PTPRM: variants seen among roughly 807,000 people sequenced by gnomAD.
PTPRM encodes the protein receptor-type tyrosine-protein phosphatase mu.
Under a neutral mutation model 186.7 loss-of-function variants are expected in PTPRM, and 47 were observed. That is an observed-to-expected ratio of 0.25 (90% CI 0.20 to 0.32). The LOEUF is 0.32. Ranked by LOEUF, PTPRM falls within the 10% of genes least tolerant of loss-of-function variation. The pLI is 1.00. For synonymous variants in PTPRM, 668 were observed against 674.9 expected (o/e 0.99, Z 0.16); for missense variants, 1,494 against 1,865.0 (o/e 0.80, Z 3.66).
intron 7 of PTPRM, among the ~76,000 whole-genome samples, chr18:8,027,700 T>A (rs1359702381): frequency 1.3e-5 from 2 of 152,214 alleles, no homozygotes; most frequent in African/African-American, 4.8e-5. Context: ...GCATAATTTC[T>A]GAATTAGTAT....
intron 1 of PTPRM, among the ~76,000 whole-genome samples, chr18:7,674,102 A>G (rs1002333606): frequency 5.9e-5 from 9 of 152,142 alleles, no homozygotes; most frequent in African/African-American, 2.2e-4. Context: ...AAATACCCCT[A>G]GTGAATGTGA....
At chr18:7,989,461 G>A (rs2083144240) in intron 7 of PTPRM, among the ~76,000 whole-genome samples, 1 of 152,162 alleles carries the variant, frequency 6.6e-6, no homozygotes, top group African/African-American at 2.4e-5. Flanking sequence ...TCCTTGAGCA[G>A]GACGTGTAAG....
At chr18:7,943,625 G>C (rs1465556425) in intron 5 of PTPRM, among the ~76,000 whole-genome samples, 1 of 152,086 alleles carries the variant, frequency 6.6e-6, no homozygotes, top group Non-Finnish European at 1.5e-5. Flanking sequence ...GGCAGGGTTG[G>C]TTCCTCCCAA....
chr18:7,954,030 C>T (rs993946274), intron 6 of PTPRM, among the ~76,000 whole-genome samples: 2 of 152,042 alleles, frequency 1.3e-5, no homozygotes, highest in East Asian at 1.9e-4. Context: ...AGATTTATGC[C>T]GGTAGAAATA....
intron 1 of PTPRM, among the ~76,000 whole-genome samples, chr18:7,684,309 A>G (rs963055382): frequency 2.0e-5 from 3 of 152,108 alleles, no homozygotes; most frequent in African/African-American, 7.2e-5. Flanking sequence ...AAAAATAAAT[A>G]AATAAAATAA....
At chr18:7,644,039 G>A (rs549399220) in intron 1 of PTPRM, among the ~76,000 whole-genome samples, 26 of 152,146 alleles carry the variant, frequency 1.7e-4, no homozygotes, top group African/African-American at 6.0e-4. Context: ...GAATTTCCTT[G>A]TCTGCTAGTA....
chr18:7,990,347 G>A (rs1734529041), intron 7 of PTPRM, among the ~76,000 whole-genome samples: 2 of 152,112 alleles, frequency 1.3e-5, no homozygotes, highest in Admixed American at 1.3e-4. Context: ...TCTGTGGTTT[G>A]ATTCTCCTGT....
intron 7 of PTPRM, among the ~76,000 whole-genome samples, chr18:8,011,482 A>C (rs773792996): frequency 3.3e-5 from 5 of 152,146 alleles, no homozygotes; most frequent in Non-Finnish European, 7.3e-5. Context: ...TTTAACCCAT[A>C]TTTAGGCTCA....
At chr18:7,884,936 A>AAAAAAAAAAAAAAAAAAAAAG in intron 2 of PTPRM, among the ~76,000 whole-genome samples, 1 of 149,464 alleles carries the variant, frequency 6.7e-6, no homozygotes, top group African/African-American at 2.5e-5. Context: ...AAAAAAAAAA[A>AAAAAAAAAAAAAAAAAAAAAG]AAAAAAAAAA....
intron 9 of PTPRM, among the ~76,000 whole-genome samples, chr18:8,083,538 TCTC>T (rs920218151): frequency 7.2e-5 from 11 of 152,072 alleles, no homozygotes; most frequent in African/African-American, 2.2e-4. Context: ...CCCTGACAGT[TCTC>T]CTTATTTTAG....
chr18:7,613,032 A>G (rs2037715230), intron 1 of PTPRM, among the ~76,000 whole-genome samples: 1 of 152,166 alleles, frequency 6.6e-6, no homozygotes, highest in Non-Finnish European at 1.5e-5. Flanking sequence ...TGGCTCAGGA[A>G]ACCAGCGTCC....
intron 13 of PTPRM, among the ~76,000 whole-genome samples, chr18:8,121,001 A>T (rs1034169903): frequency 1.3e-5 from 2 of 152,208 alleles, no homozygotes; most frequent in African/African-American, 4.8e-5. Context: ...ACAGCTTATT[A>T]TAACAGTATT....
At chr18:8,248,028 GT>G in intron 16 of PTPRM, 109 bp downstream of exon 16, 1 of 1,359,594 alleles carries the variant, frequency 7.4e-7, no homozygotes, top group South Asian at 1.2e-5. Context: ...TGTTTGAGAT[GT>G]TGTAACCCAA....
At chr18:8,137,568 T>A (rs888234031) in intron 13 of PTPRM, among the ~76,000 whole-genome samples, 8 of 152,280 alleles carry the variant, frequency 5.3e-5, no homozygotes, top group Non-Finnish European at 1.2e-4. Flanking sequence ...GTTCTCAAGG[T>A]ACTGTTCTGT....
intron 7 of PTPRM, among the ~76,000 whole-genome samples, chr18:7,967,856 A>G (rs1162496993): frequency 1.9e-5 from 1 of 51,524 alleles, no homozygotes; most frequent in Admixed American, 2.2e-4. Flanking sequence ...TGATGTGGAG[A>G]ATGGAACCAA....
chr18:8,118,811 A>AATATATAT (rs1555749529), intron 13 of PTPRM, among the ~76,000 whole-genome samples: 8 of 128,364 alleles, frequency 6.2e-5, no homozygotes, highest in East Asian at 4.3e-4. Context: ...AAAAAAAAAA[A>AATATATAT]ATATATATAT....
At chr18:7,858,367 G>T (rs1349531530) in intron 2 of PTPRM, among the ~76,000 whole-genome samples, 2 of 151,970 alleles carry the variant, frequency 1.3e-5, no homozygotes, top group East Asian at 3.9e-4. Context: ...GACCAGCCTG[G>T]GCAACATGGC....
At chr18:8,256,802 T>C (rs2094578915) in intron 19 of PTPRM, among the ~76,000 whole-genome samples, 1 of 152,248 alleles carries the variant, frequency 6.6e-6, no homozygotes, top group Non-Finnish European at 1.5e-5. Context: ...AAGAAATATA[T>C]GCTGTCATGT....
intron 9 of PTPRM, among the ~76,000 whole-genome samples, chr18:8,083,066 C>CA (rs895917405): frequency 4.6e-5 from 7 of 152,006 alleles, no homozygotes; most frequent in Admixed American, 1.3e-4. Flanking sequence ...CACCTTATTC[C>CA]AAGCCCCTGT....
Sources: gnomAD v4.1 joint callset for allele counts (sites outside exome capture counted in the v4.1 genomes callset) on GRCh38, gnomAD v4.1.1 for gene constraint, MANE v1.5 for transcripts, NCBI Gene and HGNC (gene_info 2026-07-23, HGNC 2026-07-21) for gene names.